RAB38: variants seen among roughly 807,000 people sequenced by gnomAD.
RAB38 encodes RAB38, member RAS oncogene family, also known as ras-related protein Rab-38.
RAB38 carries 15 observed loss-of-function variants against 18.4 expected under a neutral mutation model. The observed-to-expected ratio is 0.82, with a 90% CI of 0.55 to 1.26. The LOEUF (loss-of-function observed/expected upper bound fraction) is 1.26. Ranked by LOEUF, RAB38 falls within the 50% of genes most tolerant of loss-of-function variation. The probability of loss-of-function intolerance (pLI) is 0.00; values close to 1 mark genes in which losing one functional copy is unlikely to be tolerated. For missense variants in RAB38, 294 were observed against 267.4 expected, an observed-to-expected ratio of 1.10 and a Z score of -0.69; for synonymous variants, 101 against 104.4, an observed-to-expected ratio of 0.97 and a Z score of 0.20.
At chr11:87,926,596 G>C in the RAB38 span, among the ~76,000 whole-genome samples, 2 of 152,060 alleles carry the variant, frequency 1.3e-5, no homozygotes, top group South Asian at 4.1e-4. Context: ...GGAAGCTTGA[G>C]TCCCCAAGAG....
At chr11:88,118,788 T>A (rs1942591539) in intron 2 of RAB38, among the ~76,000 whole-genome samples, 1 of 152,182 alleles carries the variant, frequency 6.6e-6, no homozygotes, top group African/African-American at 2.4e-5. Flanking sequence ...GATCAGCAAG[T>A]CTCAGAAACA....
the RAB38 span, among the ~76,000 whole-genome samples, chr11:87,901,984 G>A: frequency 6.7e-6 from 1 of 150,222 alleles, no homozygotes; most frequent in Non-Finnish European, 1.5e-5. Context: ...GAAGGAGAAG[G>A]CAAAACAAAA....
At chr11:87,972,902 C>T in the RAB38 span, among the ~76,000 whole-genome samples, 1 of 151,894 alleles carries the variant, frequency 6.6e-6, no homozygotes, top group South Asian at 2.1e-4. Context: ...CAGGTTTCCC[C>T]CTTGCTGTTC....
At chr11:88,173,470 C>T in intron 1 of RAB38, 1 of 948,992 alleles carries the variant, frequency 1.1e-6, no homozygotes, top group Non-Finnish European at 1.3e-6. Flanking sequence ...CAGTTCAACT[C>T]TGGAATTTGG....
the RAB38 span, among the ~76,000 whole-genome samples, chr11:87,966,516 C>A: frequency 6.6e-6 from 1 of 152,114 alleles, no homozygotes; most frequent in African/African-American, 2.4e-5. Context: ...TCCAAGAAGG[C>A]AGCAATGCCT....
chr11:88,066,411 A>C, the RAB38 span, among the ~76,000 whole-genome samples: 1 of 152,212 alleles, frequency 6.6e-6, no homozygotes, highest in African/African-American at 2.4e-5. Flanking sequence ...TTTTGTCCAA[A>C]ATACACAACT....
At chr11:87,970,240 A>T in the RAB38 span, among the ~76,000 whole-genome samples, 9 of 152,232 alleles carry the variant, frequency 5.9e-5, no homozygotes, top group Admixed American at 5.9e-4. Context: ...AAAAATTAAA[A>T]TGCAAAATAA....
At chr11:87,852,365 A>G in the RAB38 span, among the ~76,000 whole-genome samples, 1 of 152,148 alleles carries the variant, frequency 6.6e-6, no homozygotes, top group Non-Finnish European at 1.5e-5. Context: ...GAACCCCATC[A>G]ACCTTCTAGT....
the RAB38 span, among the ~76,000 whole-genome samples, chr11:87,954,747 G>A: frequency 1.3e-5 from 2 of 152,006 alleles, no homozygotes; most frequent in Admixed American, 1.3e-4. Flanking sequence ...AAGTGGATTT[G>A]GTGCACTGCA....
At chr11:87,883,088 A>AT in the RAB38 span, among the ~76,000 whole-genome samples, 1 of 151,832 alleles carries the variant, frequency 6.6e-6, no homozygotes, top group Non-Finnish European at 1.5e-5. Context: ...AAGTATAGAA[A>AT]TACTCTTTGT....
chr11:88,108,452 TTTTG>T (rs1196368413), downstream of RAB38, among the ~76,000 whole-genome samples: 4 of 152,164 alleles, frequency 2.6e-5, no homozygotes, highest in Non-Finnish European at 4.4e-5. Flanking sequence ...CGGTTTTTGT[TTTTG>T]TTTGTTTTTT....
At chr11:88,096,477 A>G in the RAB38 span, among the ~76,000 whole-genome samples, 2 of 151,914 alleles carry the variant, frequency 1.3e-5, no homozygotes, top group Non-Finnish European at 2.9e-5. Flanking sequence ...TTTCTCTGCA[A>G]AACTCATTAA....
the RAB38 span, among the ~76,000 whole-genome samples, chr11:87,922,280 A>G: frequency 6.6e-6 from 1 of 151,960 alleles, no homozygotes; most frequent in Non-Finnish European, 1.5e-5. Context: ...CACAATGCAC[A>G]CCCTCTAACG....
At chr11:87,934,808 G>A in the RAB38 span, among the ~76,000 whole-genome samples, 1 of 152,006 alleles carries the variant, frequency 6.6e-6, no homozygotes, top group Non-Finnish European at 1.5e-5. Context: ...AATACATTAG[G>A]GAATAGAAAA....
At chr11:88,112,451 G>C (rs1174153593), downstream of RAB38, among the ~76,000 whole-genome samples, 1 of 152,120 alleles carries the variant, frequency 6.6e-6, no homozygotes, top group Non-Finnish European at 1.5e-5. Context: ...AGAATTTGGG[G>C]ATTCAAGACT....
the RAB38 span, among the ~76,000 whole-genome samples, chr11:88,033,454 G>C: frequency 6.6e-6 from 1 of 151,764 alleles, no homozygotes; most frequent in Admixed American, 6.6e-5. Context: ...TTGATTCCTG[G>C]TATAAAACCC....
the RAB38 span, among the ~76,000 whole-genome samples, chr11:88,015,381 C>T: frequency 6.6e-6 from 1 of 152,184 alleles, no homozygotes; most frequent in African/African-American, 2.4e-5. Context: ...AGTCTCAGAT[C>T]CACTGACTAC....
chr11:88,038,306 C>G, the RAB38 span, among the ~76,000 whole-genome samples: 1 of 152,152 alleles, frequency 6.6e-6, no homozygotes, highest in Non-Finnish European at 1.5e-5. Context: ...ATTACCATTT[C>G]AGAACCCAAG....
the RAB38 span, among the ~76,000 whole-genome samples, chr11:88,054,856 C>G: frequency 1.3e-5 from 2 of 152,186 alleles, no homozygotes; most frequent in African/African-American, 2.4e-5. Context: ...CTCCTTAAGT[C>G]TACCATGGTC....
Sources: allele counts gnomAD v4.1 joint callset (sites outside exome capture counted in the v4.1 genomes callset), GRCh38; gene constraint gnomAD v4.1.1; transcripts MANE v1.5; gene names NCBI Gene and HGNC (gene_info 2026-07-23, HGNC 2026-07-21).